IPO5: variants seen among roughly 807,000 people sequenced by gnomAD.
IPO5 encodes the protein importin 5.
A neutral mutation model predicts 143.3 loss-of-function variants in IPO5; 18 were observed. The observed-to-expected ratio is 0.13, with a 90% CI of 0.09 to 0.19. The LOEUF (loss-of-function observed/expected upper bound fraction) is 0.19. Among genes scored for constraint, IPO5 ranks in the 10% least tolerant of loss-of-function variants. IPO5 has a pLI of 1.00. For synonymous variants in IPO5, 477 were observed against 465.7 expected (o/e 1.02, Z -0.31); for missense variants, 1,013 against 1,336.9 (o/e 0.76, Z 3.78).
chr13:97,967,718 G>A (rs1369090548), intron 2 of IPO5, among the ~76,000 whole-genome samples: 1 of 151,992 alleles, frequency 6.6e-6, no homozygotes, highest in Non-Finnish European at 1.5e-5. Context: ...TGCAAGCTCC[G>A]CCTCCCGGGT....
rs373604027 is a variant in IPO5 at position 98,019,694 on chromosome 13, C to T, written c.2950C>T (p.Pro984Ser). The T allele has an allele frequency of 6.8e-6, 11 of 1,613,674 alleles. No homozygotes were observed. The African/African-American group carries it at 8.0e-5, about 12-fold the overall frequency. ...AGTAGGGAAAATCATGAAGTTCAAG[C>T]CTGACTGTGTAAACGTTGAAGAGGT... is the stretch of plus-strand genomic sequence containing the variant. ...SAVGKIMKFK[P>S]DCVNVEEVLP... Residue 984 changes from proline (P) to serine (S), a missense_variant, in exon 27 of 29, where the codon CCT becomes TCT. Physicochemically the swap from Pro to Ser is moderately conservative, Grantham distance 74 (BLOSUM62 -1). Around this residue, in one of 2 missense-constraint regions of IPO5, gnomAD observed 685 missense variants for 994.9 expected, o/e 0.69. Transcript: ENST00000651721.
chr13:97,956,344 GTTA>G (rs1354379445), intron 2 of IPO5, among the ~76,000 whole-genome samples: 1 of 152,000 alleles, frequency 6.6e-6, no homozygotes, highest in East Asian at 1.9e-4. Flanking sequence ...AATGTTGTCA[GTTA>G]TTATTATAAC....
rs373799788 is a variant in IPO5 at position 98,018,618 on chromosome 13, A to G, written c.2750A>G (p.Asn917Ser). The change falls in exon 26 of 29, where the codon AAC (asparagine) becomes AGC (serine). Residue 917 changes from asparagine to serine, a missense_variant. Around this residue, in one of 2 missense-constraint regions of IPO5, gnomAD observed 685 missense variants for 994.9 expected, o/e 0.69. Coordinates refer to ENST00000651721, the MANE Select transcript of IPO5 (RefSeq NM_002271.6). ...LRPMLQYVCD[N>S]SPEVRQAAAY... ...CCAATGCTCCAATATGTATGTGACAACAGCCCAGAAGTCAGGCAAGCAGCT... is the reference window on the plus strand; with the variant it reads ...CCAATGCTCCAATATGTATGTGACAGCAGCCCAGAAGTCAGGCAAGCAGCT... 4.2e-5 allele frequency: 67 copies of G among 1,614,106 alleles called. 1 individual carries two copies. In the Admixed American group the frequency reaches 5.8e-4, roughly 14 times the overall value.
chr13:98,016,972 A>C lies in IPO5; in HGVS notation c.2616+121A>C, dbSNP rs1273595149. On this transcript the variant is annotated intron_variant, in intron 25 of 28. Coordinates refer to ENST00000651721, the MANE Select transcript of IPO5 (RefSeq NM_002271.6). ...TCAGAAATGATTGTTTCCATTGTAC[A>C]TCTTTGATTTTATCAAGTTGACTGC... The C allele has an allele frequency of 7.0e-6, 5 of 717,484 alleles. No homozygotes were observed. In the African/African-American group the frequency reaches 9.2e-5, roughly 13 times the overall value. 44.4% of individuals were successfully genotyped at this position (717,484 alleles called of 1,614,324 possible). A position where few individuals can be genotyped will look rare whatever the true frequency, so the allele number is the denominator to read the frequency against.
intron 2 of IPO5, among the ~76,000 whole-genome samples, chr13:97,960,555 T>C (rs549087710): frequency 7.5e-4 from 112 of 150,202 alleles, no homozygotes; most frequent in Non-Finnish European, 1.3e-3. Context: ...TTATTTTATT[T>C]ATTTGGTTTT....
In IPO5 at chr13:98,019,972, A is replaced by G; in HGVS notation, c.3065+163A>G. On this transcript the variant is annotated intron_variant, in intron 27 of 28. Transcript: ENST00000651721. ...TCTTTATAAATCATATTAAGAAACC[A>G]TATCACAGTTAACATTGCCCTTATA... 5.4e-6 allele frequency: 3 copies of G among 553,036 alleles called. No homozygotes were observed. In the African/African-American group the frequency reaches 5.6e-5, roughly 10 times the overall value. 34.3% of individuals were successfully genotyped at this position (553,036 alleles called of 1,614,324 possible). A position where few individuals can be genotyped will look rare whatever the true frequency, so the allele number is the denominator to read the frequency against.
intron 27 of IPO5, 42 bp from the exon 28 acceptor site, chr13:98,020,950 C>T: frequency 2.0e-6 from 3 of 1,530,772 alleles, no homozygotes; most frequent in Non-Finnish European, 2.7e-6. Context: ...CATATTTCTC[C>T]TTATAAATTT....
intron 2 of IPO5, among the ~76,000 whole-genome samples, chr13:97,963,805 T>C (rs1239462770): frequency 6.6e-6 from 1 of 152,164 alleles, no homozygotes; most frequent in East Asian, 1.9e-4. Context: ...CAATTTACAC[T>C]CCCACCAACA....
intron 11 of IPO5, among the ~76,000 whole-genome samples, chr13:97,997,248 A>AT (rs1888370700): frequency 6.6e-6 from 1 of 152,218 alleles, no homozygotes; most frequent in Admixed American, 6.5e-5. Context: ...AATGAGAAAC[A>AT]TTTGTGATGT....
At chr13:97,963,397 G>A (rs1426065880) in intron 2 of IPO5, 1 of 147,430 alleles carries the variant, frequency 6.8e-6, no homozygotes, top group Admixed American at 6.8e-5. Flanking sequence ...TTGAGACGGA[G>A]TCTAGCTCTG....
intron 26 of IPO5, 54 bp from the exon 27 acceptor site, chr13:98,019,527 A>G: frequency 8.4e-7 from 1 of 1,193,034 alleles, no homozygotes; most frequent in Non-Finnish European, 1.2e-6. Flanking sequence ...ACATATATTC[A>G]TTTGCATGAA....
At chr13:97,968,621 TTATCTC>T (rs1350553327) in intron 2 of IPO5, among the ~76,000 whole-genome samples, 1 of 152,252 alleles carries the variant, frequency 6.6e-6, no homozygotes, top group Non-Finnish European at 1.5e-5. Flanking sequence ...AATGTCCTCT[TTATCTC>T]TAATGACATT....
intron 2 of IPO5, among the ~76,000 whole-genome samples, chr13:97,964,096 C>T (rs1157485196): frequency 1.3e-5 from 2 of 152,082 alleles, no homozygotes; most frequent in Non-Finnish European, 2.9e-5. Context: ...GACATTAGCC[C>T]TCTGTCAGAT....
chr13:98,020,033 A>G (rs1314126522), intron 27 of IPO5: 2 of 391,756 alleles, frequency 5.1e-6, no homozygotes, highest in Non-Finnish European at 4.5e-6. Flanking sequence ...TTATGAAATT[A>G]GATTCAACAG....
At chr13:97,990,045 G>A in intron 7 of IPO5, 81 bp from the exon 8 acceptor site, 1 of 832,346 alleles carries the variant, frequency 1.2e-6, no homozygotes, top group Non-Finnish European at 2.0e-6. Context: ...TAAACAAACA[G>A]TTCATTAGAG....
intron 2 of IPO5, among the ~76,000 whole-genome samples, chr13:97,962,335 T>C (rs1413891525): frequency 6.6e-6 from 1 of 152,240 alleles, no homozygotes; most frequent in African/African-American, 2.4e-5. Flanking sequence ...TATATTTTCT[T>C]GTAAGAATTT....
intron 2 of IPO5, among the ~76,000 whole-genome samples, chr13:97,967,215 T>C (rs374785346): frequency 1.8e-3 from 275 of 152,324 alleles, no homozygotes; most frequent in African/African-American, 6.4e-3. Context: ...TAATTCTTTT[T>C]ATTTCTGAAA....
At chr13:98,007,590 A>G (rs935605801) in intron 17 of IPO5, 1 of 152,412 alleles carries the variant, frequency 6.6e-6, no homozygotes, top group African/African-American at 2.4e-5. Flanking sequence ...AAACATTGGT[A>G]TGTTTTTTAC....
intron 5 of IPO5, among the ~76,000 whole-genome samples, chr13:97,984,236 C>T (rs1017185031): frequency 2.0e-5 from 3 of 152,016 alleles, no homozygotes; most frequent in Middle Eastern, 6.8e-3. Flanking sequence ...CCTCGGCCTC[C>T]CAAAGTGCTG....
Sources: allele counts gnomAD v4.1 joint callset (sites outside exome capture counted in the v4.1 genomes callset), GRCh38; gene constraint gnomAD v4.1.1; regional missense constraint gnomAD v4.1.1; transcripts MANE v1.5; gene names NCBI Gene and HGNC (gene_info 2026-07-23, HGNC 2026-07-21).